LARGE1: variants seen among roughly 807,000 people sequenced by gnomAD.
The protein encoded by LARGE1 is LARGE xylosyl- and glucuronyltransferase 1, also known as xylosyl- and glucuronyltransferase LARGE1.
Under a neutral mutation model 87.6 loss-of-function variants are expected in LARGE1, and 43 were observed. That is an observed-to-expected ratio of 0.49 (90% CI 0.38 to 0.63). The LOEUF (loss-of-function observed/expected upper bound fraction) is 0.63, where lower values mean the gene tolerates loss of function less well. LARGE1 is among the 30% of genes least tolerant of loss of function. The probability of loss-of-function intolerance (pLI) is 0.00; values close to 1 mark genes in which losing one functional copy is unlikely to be tolerated. For missense variants in LARGE1, 802 were observed against 1,000.2 expected, an observed-to-expected ratio of 0.80 and a Z score of 2.67; for synonymous variants, 434 against 394.6, an observed-to-expected ratio of 1.10 and a Z score of -1.18.
At chr22:33,439,120 A>G (rs1187513035) in intron 6 of LARGE1, among the ~76,000 whole-genome samples, 1 of 151,864 alleles carries the variant, frequency 6.6e-6, no homozygotes. Context: ...AGGCTAAGGC[A>G]TGAGAATCGC....
At chr22:33,664,666 A>G (rs2081216807) in intron 2 of LARGE1, among the ~76,000 whole-genome samples, 1 of 152,166 alleles carries the variant, frequency 6.6e-6, no homozygotes, top group African/African-American at 2.4e-5. Flanking sequence ...AGAGATCAAG[A>G]CCATCCTGGC....
chr22:33,380,476 G>C (rs934656093), intron 9 of LARGE1, among the ~76,000 whole-genome samples: 34 of 152,184 alleles, frequency 2.2e-4, no homozygotes, highest in Non-Finnish European at 5.9e-5. Context: ...CATGGACAAA[G>C]CTGTTAATTA....
At chr22:33,390,786 C>T (rs1290908105) in intron 7 of LARGE1, among the ~76,000 whole-genome samples, 1 of 151,848 alleles carries the variant, frequency 6.6e-6, no homozygotes, top group Non-Finnish European at 1.5e-5. Flanking sequence ...CTCCGCCTCC[C>T]AGGTTTAAGC....
intron 3 of LARGE1, among the ~76,000 whole-genome samples, chr22:33,635,993 C>T (rs2080255419): frequency 6.6e-6 from 1 of 152,160 alleles, no homozygotes; most frequent in African/African-American, 2.4e-5. Flanking sequence ...GCTGTGAGAA[C>T]AAGGAGTCTC....
chr22:33,516,067 TGA>T (rs2071289697), intron 6 of LARGE1, among the ~76,000 whole-genome samples: 1 of 152,166 alleles, frequency 6.6e-6, no homozygotes, highest in South Asian at 2.1e-4. Flanking sequence ...TAGTGAAAGC[TGA>T]GAGTTTGTTG....
chr22:33,871,096 A>C (rs2064265835), intron 1 of LARGE1, among the ~76,000 whole-genome samples: 1 of 152,212 alleles, frequency 6.6e-6, no homozygotes, highest in Admixed American at 6.5e-5. Context: ...CTGCTGATAG[A>C]ATGCTCTGCA....
At chr22:33,274,947 T>C (rs1928914351) in intron 14 of LARGE1, among the ~76,000 whole-genome samples, 1 of 152,170 alleles carries the variant, frequency 6.6e-6, no homozygotes, top group African/African-American at 2.4e-5. Context: ...AGAAAAGGTT[T>C]CTTGATAAAT....
chr22:33,523,509 G>A (rs1312516894), intron 6 of LARGE1, among the ~76,000 whole-genome samples: 2 of 151,990 alleles, frequency 1.3e-5, no homozygotes, highest in East Asian at 1.9e-4. Flanking sequence ...TTAGCCTATT[G>A]TCTGTGACAT....
intron 11 of LARGE1, among the ~76,000 whole-genome samples, chr22:33,168,633 C>T (rs537166632): frequency 1.3e-5 from 2 of 152,310 alleles, no homozygotes; most frequent in African/African-American, 4.8e-5. Context: ...TTTTAATCCT[C>T]ATAACAACCT....
At position 33,572,630 on chromosome 22, in the gene LARGE1, T is replaced by G. The variant is rs563731023; in HGVS notation, c.616-7611A>C. 7.9e-5 allele frequency among the ~76,000 whole-genome samples: 12 copies of G among 152,292 alleles called. No individual in the cohort carries two copies. The South Asian group carries it at 2.5e-3, about 32-fold the overall frequency. On this transcript the variant is annotated intron_variant, in intron 5 of 14. Transcript: ENST00000397394. ...TGACACATGCCATTAATCCCAGCACTTTGGGAGGCCAAGGTGGGCGGATCA... is the reference window on the plus strand; with the variant it reads ...TGACACATGCCATTAATCCCAGCACGTTGGGAGGCCAAGGTGGGCGGATCA...
At chr22:33,620,085 T>G (rs551821002) in intron 4 of LARGE1, among the ~76,000 whole-genome samples, 1 of 152,296 alleles carries the variant, frequency 6.6e-6, no homozygotes, top group Non-Finnish European at 1.5e-5. Context: ...CAAGCCTGAA[T>G]AAGGGATAAG....
intron 6 of LARGE1, among the ~76,000 whole-genome samples, chr22:33,463,349 C>T (rs1348395374): frequency 6.6e-6 from 1 of 151,846 alleles, no homozygotes; most frequent in African/African-American, 2.4e-5. Flanking sequence ...AAACACATTA[C>T]TAGAAGTACT....
intron 1 of LARGE1, among the ~76,000 whole-genome samples, chr22:33,918,144 G>A (rs984929366): frequency 3.3e-5 from 5 of 152,132 alleles, no homozygotes; most frequent in Admixed American, 6.5e-5. Context: ...GACCTATGAT[G>A]AGATGAAAAA....
chr22:33,259,404 A>C (rs937662776), intron 11 of LARGE1, among the ~76,000 whole-genome samples: 34 of 151,742 alleles, frequency 2.2e-4, no homozygotes, highest in Non-Finnish European at 7.4e-5. Context: ...TTAGGAAAAA[A>C]ATTCCTTCAC....
intron 11 of LARGE1, among the ~76,000 whole-genome samples, chr22:33,265,524 TG>T (rs1160292470): frequency 2.6e-5 from 4 of 152,202 alleles, no homozygotes; most frequent in Non-Finnish European, 4.4e-5. Context: ...AAGCCTTCCA[TG>T]ATCCCCGGCC....
At chr22:33,825,690 C>T (rs1462936410) in intron 1 of LARGE1, among the ~76,000 whole-genome samples, 3 of 152,124 alleles carry the variant, frequency 2.0e-5, no homozygotes, top group South Asian at 2.1e-4. Flanking sequence ...ATGACACTGG[C>T]GATTACACGA....
Position 33,796,350 on chromosome 22 carries a change from G to A in LARGE1, c.-82-34792C>T, listed in dbSNP as rs147141415. Among the ~76,000 whole-genome samples the A allele has an allele frequency of 2.4e-3, 358 of 152,296 alleles. 4 individuals are homozygous for A. Among genetic ancestry groups the A allele is most frequent in the African/African-American group, 8.1e-3 (336 of 41,566 alleles). On this transcript the variant is annotated intron_variant, in intron 1 of 14. Transcript: ENST00000397394. ...TAGGGATTCAGAATATCAGAAAAGA[G>A]GAAGGCAGACAGAGTTTGGAGAGAA...
chr22:33,194,358 C>T (rs907758971), intron 11 of LARGE1, among the ~76,000 whole-genome samples: 1 of 152,144 alleles, frequency 6.6e-6, no homozygotes, highest in Non-Finnish European at 1.5e-5. Context: ...ACTTGCACGG[C>T]ATGAACTCTT....
chr22:33,272,223 A>G (rs947704350), downstream of LARGE1, among the ~76,000 whole-genome samples: 28 of 152,226 alleles, frequency 1.8e-4, no homozygotes, highest in African/African-American at 5.5e-4. Flanking sequence ...TTAATTCAAA[A>G]CCTGTATCGG....
Sources: gnomAD v4.1 joint callset for allele counts (sites outside exome capture counted in the v4.1 genomes callset) on GRCh38, gnomAD v4.1.1 for gene constraint, MANE v1.5 for transcripts, NCBI Gene and HGNC (gene_info 2026-07-23, HGNC 2026-07-21) for gene names.